The following GRM8 variants were observed in gnomAD, a reference collection of about 807,000 sequenced individuals.
GRM8 encodes glutamate metabotropic receptor 8, also known as metabotropic glutamate receptor 8.
GRM8 carries 47 observed loss-of-function variants against 87.2 expected under a neutral mutation model. The ratio of observed to expected loss-of-function variants is 0.54; its 90% CI spans 0.43 to 0.69. The LOEUF (loss-of-function observed/expected upper bound fraction) is 0.69. GRM8 is among the 30% of genes least tolerant of loss of function. The probability of loss-of-function intolerance (pLI) is 0.00; values close to 1 mark genes in which losing one functional copy is unlikely to be tolerated. For missense variants in GRM8, 1,019 were observed against 1,139.2 expected, an observed-to-expected ratio of 0.89 and a Z score of 1.52; for synonymous variants, 396 against 404.5, an observed-to-expected ratio of 0.98 and a Z score of 0.25.
At chr7:126,448,617 T>C (rs17605952) in intron 9 of GRM8, among the ~76,000 whole-genome samples, 46,592 of 151,832 alleles carry the variant, frequency 0.31, 7,443 homozygotes, top group East Asian at 0.44. Context: ...TAGAATTAAA[T>C]AGTACCATGG....
chr7:126,544,733 C>T (rs971362659), intron 8 of GRM8, among the ~76,000 whole-genome samples: 6 of 152,050 alleles, frequency 3.9e-5, no homozygotes, highest in African/African-American at 1.4e-4. Flanking sequence ...TGGTCTCAAA[C>T]TCCTGACCTC....
intron 3 of GRM8, among the ~76,000 whole-genome samples, chr7:126,960,657 T>C (rs1809219171): frequency 6.6e-6 from 1 of 152,208 alleles, no homozygotes; most frequent in Admixed American, 6.5e-5. Context: ...TTTGGCTTTG[T>C]TCTAGACCCA....
chr7:126,440,605 G>A (rs144780091), intron 10 of GRM8, among the ~76,000 whole-genome samples: 1,582 of 151,812 alleles, frequency 0.01, 17 homozygotes, highest in Admixed American at 0.019. Flanking sequence ...ACTATGTTTA[G>A]ATATGTTTAG....
intron 3 of GRM8, among the ~76,000 whole-genome samples, chr7:126,914,658 T>C (rs867607746): frequency 2.0e-5 from 3 of 152,182 alleles, no homozygotes; most frequent in East Asian, 1.9e-4. Context: ...CTAAGCAAAT[T>C]AATGCAGAAA....
intron 3 of GRM8, among the ~76,000 whole-genome samples, chr7:127,061,696 TC>T (rs1204358324): frequency 6.6e-6 from 1 of 152,160 alleles, no homozygotes; most frequent in Non-Finnish European, 1.5e-5. Context: ...TTGACTGATA[TC>T]TCTCTGCTAT....
chr7:126,991,674 G>A (rs1380243438), intron 3 of GRM8, among the ~76,000 whole-genome samples: 1 of 152,072 alleles, frequency 6.6e-6, no homozygotes, highest in Non-Finnish European at 1.5e-5. Flanking sequence ...AATCATGATG[G>A]CCACAATTAT....
At chr7:126,975,203 C>T in intron 3 of GRM8, among the ~76,000 whole-genome samples, 1 of 152,076 alleles carries the variant, frequency 6.6e-6, no homozygotes, top group East Asian at 1.9e-4. Context: ...AGCACTTACC[C>T]ACATGAACTG....
chr7:126,667,147 A>G (rs922145677), intron 7 of GRM8, among the ~76,000 whole-genome samples: 2 of 152,196 alleles, frequency 1.3e-5, no homozygotes, highest in East Asian at 3.8e-4. Flanking sequence ...TAATTCATTC[A>G]ATTTTTGCAA....
intron 1 of GRM8, among the ~76,000 whole-genome samples, chr7:127,251,825 C>G (rs545447619): frequency 4.6e-5 from 7 of 152,196 alleles, no homozygotes; most frequent in African/African-American, 1.7e-4. Context: ...TTTTCTCCAT[C>G]CCCCCAACCC....
chr7:126,643,473 C>T (rs186661401), intron 7 of GRM8, among the ~76,000 whole-genome samples: 2 of 149,100 alleles, frequency 1.3e-5, no homozygotes, highest in East Asian at 3.9e-4. Flanking sequence ...TAATTAAAAC[C>T]TTGTGTATAT....
At chr7:127,163,545 A>G (rs1486808667) in intron 2 of GRM8, among the ~76,000 whole-genome samples, 4 of 152,186 alleles carry the variant, frequency 2.6e-5, no homozygotes, top group Non-Finnish European at 4.4e-5. Flanking sequence ...AATTCCTTTT[A>G]TAAATAAATC....
intron 3 of GRM8, among the ~76,000 whole-genome samples, chr7:126,996,019 A>T (rs999046295): frequency 6.6e-6 from 1 of 152,130 alleles, no homozygotes; most frequent in Admixed American, 6.5e-5. Flanking sequence ...TTCAGTAGAA[A>T]CCTTACTGGC....
chr7:127,027,076 A>C (rs1816859768), intron 3 of GRM8, among the ~76,000 whole-genome samples: 1 of 152,154 alleles, frequency 6.6e-6, no homozygotes, highest in Middle Eastern at 3.2e-3. Context: ...TCCTAGCACC[A>C]CTTATTAAAT....
At chr7:127,138,454 C>A (rs972853846) in intron 2 of GRM8, among the ~76,000 whole-genome samples, 1 of 152,088 alleles carries the variant, frequency 6.6e-6, no homozygotes, top group South Asian at 2.1e-4. Flanking sequence ...TCCAGCCCTT[C>A]ACTTGGAGAA....
At chr7:127,116,132 A>G (rs1393802142) in intron 2 of GRM8, among the ~76,000 whole-genome samples, 1 of 152,238 alleles carries the variant, frequency 6.6e-6, no homozygotes, top group Non-Finnish European at 1.5e-5. Context: ...AATTAAAAAG[A>G]GGACTTTAAT....
intron 2 of GRM8, among the ~76,000 whole-genome samples, chr7:127,146,392 A>G (rs1263557264): frequency 6.6e-6 from 1 of 151,944 alleles, no homozygotes; most frequent in African/African-American, 2.4e-5. Flanking sequence ...TCCCAGAGCT[A>G]TGGCTTGAAG....
chr7:126,517,287 G>A (rs1812320542), intron 9 of GRM8, among the ~76,000 whole-genome samples: 1 of 152,030 alleles, frequency 6.6e-6, no homozygotes, highest in Non-Finnish European at 1.5e-5. Context: ...AAGGGATTTA[G>A]GTTGGTCAGT....
intron 6 of GRM8, among the ~76,000 whole-genome samples, chr7:126,899,562 A>T (rs377465178): frequency 3.3e-5 from 5 of 152,084 alleles, no homozygotes; most frequent in East Asian, 3.9e-4. Context: ...TCTATATCCA[A>T]ATTTAGCATT....
intron 7 of GRM8, among the ~76,000 whole-genome samples, chr7:126,614,895 T>C (rs1426504521): frequency 6.6e-6 from 1 of 152,208 alleles, no homozygotes; most frequent in Non-Finnish European, 1.5e-5. Context: ...AATCTACGTC[T>C]GATTGGTGTA....
Sources: gnomAD v4.1 joint callset for allele counts (sites outside exome capture counted in the v4.1 genomes callset) on GRCh38, gnomAD v4.1.1 for gene constraint, MANE v1.5 for transcripts, NCBI Gene and HGNC (gene_info 2026-07-23, HGNC 2026-07-21) for gene names.